The following EDIL3 variants were observed in gnomAD, a reference collection of about 807,000 sequenced individuals.
EDIL3 encodes EGF like and discoidin domains 3, also known as EGF-like repeat and discoidin I-like domain-containing protein 3.
Under a neutral mutation model 67.4 loss-of-function variants are expected in EDIL3, and 37 were observed. That is an observed-to-expected ratio of 0.55 (90% CI 0.42 to 0.72). The LOEUF is 0.72. EDIL3 is among the 30% of genes least tolerant of loss of function. EDIL3 has a pLI of 0.00. For missense variants in EDIL3, 527 were observed against 586.3 expected, an observed-to-expected ratio of 0.90 and a Z score of 1.04; for synonymous variants, 195 against 196.3, an observed-to-expected ratio of 0.99 and a Z score of 0.05.
intron 1 of EDIL3, among the ~76,000 whole-genome samples, chr5:84,362,594 A>G (rs1298588907): frequency 1.3e-5 from 2 of 152,184 alleles, no homozygotes; most frequent in African/African-American, 2.4e-5. Flanking sequence ...TAAAGTTGGT[A>G]TGTTCCAATT....
chr5:84,139,426 T>C (rs1244994209), intron 4 of EDIL3, among the ~76,000 whole-genome samples: 1 of 152,154 alleles, frequency 6.6e-6, no homozygotes, highest in Non-Finnish European at 1.5e-5. Flanking sequence ...TTTGATCTTA[T>C]CAAAATTTCA....
chr5:84,098,474 CT>C lies in EDIL3; in HGVS notation c.651+8174del, dbSNP rs1201525049. On this transcript the variant is annotated intron_variant, in intron 6 of 10. Transcript: ENST00000296591. ...CAGAATGTCTTATAGGTGATTTAAT[CT>C]TACAAAATTGATAAAGTTTTTTCTT... 2.0e-5 allele frequency among the ~76,000 whole-genome samples: 3 copies of C among 151,988 alleles called. No individual in the cohort carries two copies. In the East Asian group the frequency reaches 5.8e-4, roughly 29 times the overall value.
At chr5:83,969,673 G>A (rs1174036966) in intron 9 of EDIL3, among the ~76,000 whole-genome samples, 3 of 151,540 alleles carry the variant, frequency 2.0e-5, no homozygotes, top group Non-Finnish European at 3.0e-5. Flanking sequence ...TTATCTTCAG[G>A]AAAATTACAC....
At chr5:83,958,844 A>G (rs2112125029) in intron 10 of EDIL3, among the ~76,000 whole-genome samples, 1 of 151,542 alleles carries the variant, frequency 6.6e-6, no homozygotes, top group South Asian at 2.1e-4. Context: ...ATAAGAGCAA[A>G]GGAACATTTG....
At chr5:84,348,557 G>T (rs1419170381) in intron 1 of EDIL3, among the ~76,000 whole-genome samples, 1 of 149,692 alleles carries the variant, frequency 6.7e-6, no homozygotes. Context: ...ATCTTCCCTG[G>T]ATTATCCTTT....
intron 1 of EDIL3, among the ~76,000 whole-genome samples, chr5:84,296,295 T>C (rs942751273): frequency 6.6e-6 from 1 of 152,202 alleles, no homozygotes; most frequent in Non-Finnish European, 1.5e-5. Context: ...GTAGGTGCCT[T>C]ATTACTGTTG....
At chr5:84,141,562 G>A (rs978469962) in intron 4 of EDIL3, among the ~76,000 whole-genome samples, 3 of 147,288 alleles carry the variant, frequency 2.0e-5, no homozygotes, top group African/African-American at 7.4e-5. Context: ...TTTTTTGGTG[G>A]AAGAAGAAAG....
intron 9 of EDIL3, among the ~76,000 whole-genome samples, chr5:83,981,038 CTT>C (rs1363582626): frequency 6.6e-6 from 1 of 151,944 alleles, no homozygotes; most frequent in Non-Finnish European, 1.5e-5. Context: ...GATCGGAAGA[CTT>C]AGTATTGTTA....
Position 83,941,300 on chromosome 5 carries a change from C to A in EDIL3, c.*2119G>T, listed in dbSNP as rs1360932417. On this transcript the variant is annotated 3_prime_UTR_variant, in exon 11 of 11. Coordinates refer to ENST00000296591, the MANE Select transcript of EDIL3 (RefSeq NM_005711.5). Reference sequence around the variant, plus strand: ...AAAGCAAGAGAAACTCATTTCAATGCTTTTTCTAAAAGGTAACAAATATAA... The same window carrying A: ...AAAGCAAGAGAAACTCATTTCAATGATTTTTCTAAAAGGTAACAAATATAA... 6.6e-6 allele frequency: 1 copy of A among 152,018 alleles called. No individual in the cohort carries two copies. The highest frequency in any genetic ancestry group is 1.5e-5 in the Non-Finnish European group (1 of 67,928). The allele number at this position is 152,018 out of a possible 1,614,324, so 9.4% of individuals were successfully genotyped here. A position where few individuals can be genotyped will look rare whatever the true frequency, so the allele number is the denominator to read the frequency against.
At chr5:84,045,034 ACAAT>A (rs1335174272) in intron 9 of EDIL3, among the ~76,000 whole-genome samples, 1 of 152,202 alleles carries the variant, frequency 6.6e-6, no homozygotes, top group African/African-American at 2.4e-5. Context: ...AGGAGACCTC[ACAAT>A]CACAGTGGAG....
chr5:84,330,791 A>G (rs1746854858), intron 1 of EDIL3, among the ~76,000 whole-genome samples: 1 of 152,176 alleles, frequency 6.6e-6, no homozygotes, highest in South Asian at 2.1e-4. Context: ...GCTAAATACA[A>G]TAGAGAACAC....
chr5:84,064,808 C>G lies in EDIL3; in HGVS notation c.844G>C (p.Ala282Pro). 4 of 1,613,394 alleles carry G rather than the reference C, an allele frequency of 2.5e-6. No homozygotes were observed. The highest frequency in any genetic ancestry group is 3.4e-6 in the Non-Finnish European group (4 of 1,179,622). Residue 282 changes from alanine to proline, a missense_variant, in exon 8 of 11, where the codon GCT becomes CCT. Ala to Pro is a conservative substitution (Grantham distance 27). Around this residue, in one of 2 missense-constraint regions of EDIL3, gnomAD observed 494 missense variants for 522.5 expected, o/e 0.95. Coordinates refer to ENST00000296591, the MANE Select transcript of EDIL3 (RefSeq NM_005711.5). ...RGNIDNNTPYANSFTPPIKAQ... is the reference protein window; with the variant it reads ...RGNIDNNTPYPNSFTPPIKAQ... Reference sequence around the variant, plus strand: ...TTTATGGGGGGTGTGAAAGAGTTAGCATATGGAGTGTTGTTATCAATGTTT... The same window carrying G: ...TTTATGGGGGGTGTGAAAGAGTTAGGATATGGAGTGTTGTTATCAATGTTT...
At chr5:84,012,693 T>G (rs1000020982) in intron 9 of EDIL3, among the ~76,000 whole-genome samples, 3 of 152,132 alleles carry the variant, frequency 2.0e-5, no homozygotes, top group African/African-American at 7.2e-5. Flanking sequence ...AACATTCCAT[T>G]TTTAACTGTA....
At chr5:84,373,960 T>G (rs892946331) in intron 1 of EDIL3, among the ~76,000 whole-genome samples, 3 of 152,094 alleles carry the variant, frequency 2.0e-5, no homozygotes, top group African/African-American at 7.2e-5. Flanking sequence ...TATCAGAATG[T>G]TAAAAGGGCT....
chr5:84,359,374 T>C (rs1373351897), intron 1 of EDIL3, among the ~76,000 whole-genome samples: 1 of 152,204 alleles, frequency 6.6e-6, no homozygotes, highest in Non-Finnish European at 1.5e-5. Flanking sequence ...TAATATTAAA[T>C]GTACAAGTAC....
chr5:84,041,681 T>A (rs901382437), intron 9 of EDIL3, among the ~76,000 whole-genome samples: 17 of 139,060 alleles, frequency 1.2e-4, no homozygotes, highest in African/African-American at 4.8e-4. Context: ...TATACTTATA[T>A]TTGTGTATAT....
intron 1 of EDIL3, among the ~76,000 whole-genome samples, chr5:84,363,223 C>A (rs1233847628): frequency 1.3e-5 from 2 of 151,904 alleles, no homozygotes; most frequent in Non-Finnish European, 2.9e-5. Flanking sequence ...CTAATTCAGG[C>A]TGAGGCAGGT....
intron 5 of EDIL3, among the ~76,000 whole-genome samples, chr5:84,119,904 C>T (rs1416558561): frequency 5.3e-5 from 8 of 151,644 alleles, no homozygotes; most frequent in Admixed American, 5.3e-4. Flanking sequence ...TTTGTTTCAT[C>T]ATGACTTATA....
intron 1 of EDIL3, among the ~76,000 whole-genome samples, chr5:84,303,830 GTGTGTGTGTGTGTGTGTGTT>G (rs1746210134): frequency 6.8e-6 from 1 of 147,574 alleles, no homozygotes; most frequent in Admixed American, 6.7e-5. Flanking sequence ...GTGTGTGTGT[GTGTGTGTGTGTGTGTGTGTT>G]TGTGTGTGTG....
Sources: allele counts gnomAD v4.1 joint callset (sites outside exome capture counted in the v4.1 genomes callset), GRCh38; gene constraint gnomAD v4.1.1; regional missense constraint gnomAD v4.1.1; transcripts MANE v1.5; gene names NCBI Gene and HGNC (gene_info 2026-07-23, HGNC 2026-07-21).